Variants in CYP2C19 observed in about 807,000 individuals in gnomAD.
CYP2C19 encodes the protein cytochrome P450 family 2 subfamily C member 19.
In CYP2C19, 59 loss-of-function variants were observed where a neutral mutation model predicts 40.9. That is an observed-to-expected ratio of 1.44 (90% CI 1.17 to 1.79). The LOEUF is 1.79. Ranked by LOEUF, CYP2C19 falls within the 40% of genes most tolerant of loss-of-function variation. The pLI is 0.00. For missense variants in CYP2C19, 754 were observed against 596.9 expected, an observed-to-expected ratio of 1.26 and a Z score of -2.74; for synonymous variants, 253 against 208.7, an observed-to-expected ratio of 1.21 and a Z score of -1.83.
chr10:94,836,739 G>A (rs1205918999), intron 6 of CYP2C19, among the ~76,000 whole-genome samples: 1 of 152,234 alleles, frequency 6.6e-6, no homozygotes, highest in Non-Finnish European at 1.5e-5. Context: ...TTAACCTGCT[G>A]TGAGCAGAGC....
chr10:94,767,731 G>A lies in CYP2C19; in HGVS notation c.168+4858G>A, dbSNP rs56710710. ...CAATACCCATATGAAAAGTTTGGAG[G>A]AGGGTTTTAAGTATTTTCCACTGGC... On this transcript the variant is annotated intron_variant, in intron 1 of 8. Transcript: ENST00000371321. Among the ~76,000 whole-genome samples, 711 of 152,270 alleles carry A rather than the reference G, an allele frequency of 4.7e-3. 3 individuals are homozygous for A. Among genetic ancestry groups the A allele is most frequent in the African/African-American group, 0.017 (688 of 41,552 alleles).
chr10:94,843,053 C>G (rs1849520677), intron 7 of CYP2C19, 29 bp downstream of exon 7: 2 of 1,610,318 alleles, frequency 1.2e-6, no homozygotes, highest in Non-Finnish European at 1.7e-6. Flanking sequence ...CACTGCAACT[C>G]CATGTTCTTT....
chr10:94,850,885 G>A (rs991768098), intron 8 of CYP2C19, among the ~76,000 whole-genome samples: 5 of 152,182 alleles, frequency 3.3e-5, no homozygotes, highest in African/African-American at 1.2e-4. Flanking sequence ...CCCTAGTCAT[G>A]GCAATGTTTT....
At chr10:94,852,592 C>T in intron 8 of CYP2C19, 141 bp from the exon 9 acceptor site, 1 of 836,394 alleles carries the variant, frequency 1.2e-6, no homozygotes, top group South Asian at 1.7e-5. Flanking sequence ...ATTCACCCAA[C>T]CACCCATCTA....
At chr10:94,840,601 G>T (rs1016965217) in intron 6 of CYP2C19, among the ~76,000 whole-genome samples, 1 of 152,208 alleles carries the variant, frequency 6.6e-6, no homozygotes, top group South Asian at 2.1e-4. Context: ...AAAGAAAGTC[G>T]TGGTCAGGAC....
intron 5 of CYP2C19, among the ~76,000 whole-genome samples, chr10:94,816,668 G>A (rs61886225): frequency 1.5e-4 from 23 of 149,704 alleles, no homozygotes; most frequent in African/African-American, 2.2e-4. Flanking sequence ...ATCCTGGTGC[G>A]CTGCACCCAC....
At chr10:94,774,347 CA>C (rs1848375978) in intron 1 of CYP2C19, 1 of 152,070 alleles carries the variant, frequency 6.6e-6, no homozygotes, top group Non-Finnish European at 1.5e-5. Context: ...CAGTTTGGCA[CA>C]GAAAAATTGA....
intron 7 of CYP2C19, among the ~76,000 whole-genome samples, chr10:94,849,663 G>A (rs2134292361): frequency 8.1e-6 from 1 of 123,282 alleles, no homozygotes; most frequent in East Asian, 2.5e-4. Context: ...CCCGAAGTGT[G>A]ATGTTCCCCT....
At chr10:94,781,719 T>C (rs1177925669) in intron 4 of CYP2C19, 102 bp from the exon 5 acceptor site, 2 of 477,480 alleles carry the variant, frequency 4.2e-6, no homozygotes, top group Non-Finnish European at 6.6e-6. Context: ...TACAATATAT[T>C]TTATTTATAT....
intron 1 of CYP2C19, chr10:94,774,481 C>T (rs1165986856): frequency 6.4e-6 from 1 of 156,788 alleles, no homozygotes; most frequent in Non-Finnish European, 1.4e-5. Flanking sequence ...AGGAGTACTG[C>T]TGTGGAGACT....
intron 5 of CYP2C19, among the ~76,000 whole-genome samples, chr10:94,786,007 C>A (rs1209520592): frequency 6.6e-6 from 1 of 152,084 alleles, no homozygotes; most frequent in Non-Finnish European, 1.5e-5. Flanking sequence ...ACTGCCTTTT[C>A]CGGCCTGCCT....
chr10:94,792,916 G>A (rs940415945), intron 5 of CYP2C19, among the ~76,000 whole-genome samples: 9 of 152,048 alleles, frequency 5.9e-5, no homozygotes, highest in Non-Finnish European at 1.2e-4. Context: ...GCTAGGTTGG[G>A]GAAGTTCTCC....
intron 6 of CYP2C19, among the ~76,000 whole-genome samples, chr10:94,840,231 T>A (rs1332886929): frequency 3.3e-5 from 5 of 151,428 alleles, no homozygotes; most frequent in African/African-American, 9.8e-5. Flanking sequence ...GGGCACACTT[T>A]TTTTTTTTTT....
At chr10:94,829,222 T>C (rs1050908352) in intron 6 of CYP2C19, among the ~76,000 whole-genome samples, 1 of 152,210 alleles carries the variant, frequency 6.6e-6, no homozygotes, top group Non-Finnish European at 1.5e-5. Flanking sequence ...CCGTGCTAGA[T>C]TGGGGAAGTT....
At chr10:94,826,754 C>T (rs1164668035) in intron 6 of CYP2C19, among the ~76,000 whole-genome samples, 1 of 152,168 alleles carries the variant, frequency 6.6e-6, no homozygotes, top group Non-Finnish European at 1.5e-5. Flanking sequence ...AAAGGGAATG[C>T]TTCCAGTTTT....
intron 6 of CYP2C19, among the ~76,000 whole-genome samples, chr10:94,833,927 T>A (rs776568903): frequency 2.0e-5 from 3 of 152,208 alleles, no homozygotes; most frequent in Non-Finnish European, 4.4e-5. Flanking sequence ...GATTGTTGCA[T>A]CAGTATTCAT....
At chr10:94,769,367 C>T (rs920197635) in intron 1 of CYP2C19, among the ~76,000 whole-genome samples, 10 of 152,138 alleles carry the variant, frequency 6.6e-5, no homozygotes, top group African/African-American at 2.4e-4. Context: ...GCAAGACTGT[C>T]CACATAAGTT....
chr10:94,851,307 A>T (rs947522575), intron 8 of CYP2C19, among the ~76,000 whole-genome samples: 1 of 149,934 alleles, frequency 6.7e-6, no homozygotes, highest in African/African-American at 2.4e-5. Context: ...GAACTCACTC[A>T]CTATCATGAG....
At chr10:94,831,194 C>G (rs1849329642) in intron 6 of CYP2C19, among the ~76,000 whole-genome samples, 1 of 151,910 alleles carries the variant, frequency 6.6e-6, no homozygotes, top group Admixed American at 6.6e-5. Context: ...CATGTTGTTG[C>G]AAATGACTGA....
Sources: gnomAD v4.1 joint callset for allele counts (sites outside exome capture counted in the v4.1 genomes callset) on GRCh38, gnomAD v4.1.1 for gene constraint, MANE v1.5 for transcripts, NCBI Gene and HGNC (gene_info 2026-07-23, HGNC 2026-07-21) for gene names.